The following TMTC4 variants were observed in gnomAD, a reference collection of about 807,000 sequenced individuals.
TMTC4 encodes protein O-mannosyl-transferase TMTC4.
In TMTC4, 65 loss-of-function variants were observed where a neutral mutation model predicts 86.0. That is an observed-to-expected ratio of 0.76 (90% CI 0.62 to 0.93). TMTC4 has a LOEUF of 0.93. Among genes scored for constraint, TMTC4 ranks in the 40% least tolerant of loss-of-function variants. The pLI is 0.00. For synonymous variants in TMTC4, 379 were observed against 382.5 expected (o/e 0.99, Z 0.11); for missense variants, 866 against 948.1 (o/e 0.91, Z 1.14).
At chr13:100,655,509 T>G (rs946984705) in intron 6 of TMTC4, among the ~76,000 whole-genome samples, 1 of 152,212 alleles carries the variant, frequency 6.6e-6, no homozygotes, top group Non-Finnish European at 1.5e-5. Flanking sequence ...CACTGTCTCA[T>G]GAAGAGTCAC....
intron 6 of TMTC4, among the ~76,000 whole-genome samples, chr13:100,652,479 G>GAAAT (rs952034454): frequency 2.0e-5 from 3 of 152,128 alleles, no homozygotes; most frequent in East Asian, 1.9e-4. Flanking sequence ...ACTTGGTCTC[G>GAAAT]AAATAAATAA....
intron 15 of TMTC4, among the ~76,000 whole-genome samples, chr13:100,618,295 ACTT>A (rs1878831761): frequency 6.6e-6 from 1 of 151,818 alleles, no homozygotes; most frequent in Non-Finnish European, 1.5e-5. Flanking sequence ...AGATAGCTTG[ACTT>A]CTTCTTTTCC....
At chr13:100,656,075 G>A (rs751204679) in intron 6 of TMTC4, among the ~76,000 whole-genome samples, 2 of 152,190 alleles carry the variant, frequency 1.3e-5, no homozygotes, top group African/African-American at 4.8e-5. Context: ...GGAATCATTC[G>A]CAATCCTATA....
At chr13:100,646,498 A>G (rs1016041841) in intron 6 of TMTC4, among the ~76,000 whole-genome samples, 1 of 152,236 alleles carries the variant, frequency 6.6e-6, no homozygotes. Flanking sequence ...CCTGGCCTCG[A>G]CTTGAGTAAC....
At chr13:100,614,135 G>A (rs551935233) in intron 16 of TMTC4, among the ~76,000 whole-genome samples, 181 bp downstream of exon 16, 17 of 151,906 alleles carry the variant, frequency 1.1e-4, no homozygotes, top group South Asian at 1.0e-3. Flanking sequence ...AACCGTGCCC[G>A]GCCTAGAAAT....
chr13:100,617,339 G>A (rs917131693), intron 15 of TMTC4, among the ~76,000 whole-genome samples: 1 of 152,116 alleles, frequency 6.6e-6, no homozygotes, highest in African/African-American at 2.4e-5. Flanking sequence ...GTTTTGCCAT[G>A]TTGCCCAGGC....
chr13:100,626,709 A>G (rs903152448), intron 12 of TMTC4, among the ~76,000 whole-genome samples: 2 of 152,240 alleles, frequency 1.3e-5, no homozygotes, highest in African/African-American at 4.8e-5. Flanking sequence ...ACATGTGGAC[A>G]TGAGTAGAAG....
Position 100,604,827 on chromosome 13 carries a change from G to T in TMTC4, c.*167C>A. The T allele has an allele frequency of 1.7e-6, 1 of 573,692 alleles. No homozygotes were observed. The highest frequency in any genetic ancestry group is 2.7e-6 in the Non-Finnish European group (1 of 369,238). The allele number at this position is 573,692 out of a possible 1,614,324, so 35.5% of individuals were successfully genotyped here. On this transcript the variant is annotated 3_prime_UTR_variant, in exon 19 of 19. Coordinates refer to ENST00000342624, the MANE Select transcript of TMTC4 (RefSeq NM_032813.5). ...ATGAAAAATCATATCACGCATTCAA[G>T]AGTATATTGCTGGTGCTATAATCTT...
chr13:100,662,861 A>C, intron 5 of TMTC4, 103 bp downstream of exon 5: 1 of 1,238,166 alleles, frequency 8.1e-7, no homozygotes, highest in Non-Finnish European at 1.2e-6. Flanking sequence ...CTCTGGAACC[A>C]AGATGGGTAC....
intron 6 of TMTC4, among the ~76,000 whole-genome samples, chr13:100,644,191 C>T (rs1201972577): frequency 2.0e-5 from 3 of 150,924 alleles, no homozygotes; most frequent in African/African-American, 4.9e-5. Context: ...CTGCAAGTTC[C>T]GCCTCCTGGG....
chr13:100,640,341 C>A (rs1882853183), intron 7 of TMTC4, among the ~76,000 whole-genome samples: 1 of 151,898 alleles, frequency 6.6e-6, no homozygotes. Flanking sequence ...TTAATAGTGC[C>A]AAGGTTGAAA....
intron 12 of TMTC4, among the ~76,000 whole-genome samples, chr13:100,628,488 C>T (rs182841510): frequency 1.1e-3 from 162 of 152,232 alleles, no homozygotes; most frequent in Admixed American, 2.0e-3. Flanking sequence ...TCTCTGCTTT[C>T]GGTCCTTTTG....
intron 12 of TMTC4, among the ~76,000 whole-genome samples, chr13:100,629,837 T>G (rs78412418): frequency 1.1e-4 from 17 of 151,996 alleles, no homozygotes; most frequent in Admixed American, 4.6e-4. Flanking sequence ...AGAGGAAATA[T>G]GGACACAGAC....
chr13:100,666,127 T>C (rs891218237), intron 3 of TMTC4: 4 of 448,484 alleles, frequency 8.9e-6, no homozygotes, highest in African/African-American at 8.0e-5. Flanking sequence ...GAAAGGTCAA[T>C]TCTTCCTCAT....
At chr13:100,640,258 G>T (rs989021559) in intron 7 of TMTC4, among the ~76,000 whole-genome samples, 1 of 151,978 alleles carries the variant, frequency 6.6e-6, no homozygotes, top group Admixed American at 6.6e-5. Context: ...AGTAGGTGGA[G>T]ACCAGGGACG....
chr13:100,608,810 T>C (rs1877073975), intron 17 of TMTC4, among the ~76,000 whole-genome samples: 1 of 152,248 alleles, frequency 6.6e-6, no homozygotes, highest in African/African-American at 2.4e-5. Flanking sequence ...GGATATTTTT[T>C]TTCTGAACAG....
At chr13:100,639,211 G>A (rs1435289508) in intron 7 of TMTC4, among the ~76,000 whole-genome samples, 1 of 152,140 alleles carries the variant, frequency 6.6e-6, no homozygotes, top group Non-Finnish European at 1.5e-5. Flanking sequence ...GGTAATTTGT[G>A]GTTTTCAGAG....
intron 12 of TMTC4, among the ~76,000 whole-genome samples, chr13:100,627,304 C>T (rs1263175117): frequency 3.9e-5 from 6 of 152,264 alleles, no homozygotes; most frequent in East Asian, 1.9e-4. Context: ...CGGCGCGGGG[C>T]GGGGTCTGTA....
chr13:100,642,066 T>C, intron 7 of TMTC4, 145 bp downstream of exon 7: 1 of 703,904 alleles, frequency 1.4e-6, no homozygotes. Flanking sequence ...CGAAAGCCAT[T>C]TGTCCAGAAA....
Sources: gnomAD v4.1 joint callset for allele counts (sites outside exome capture counted in the v4.1 genomes callset) on GRCh38, gnomAD v4.1.1 for gene constraint, MANE v1.5 for transcripts, NCBI Gene and HGNC (gene_info 2026-07-23, HGNC 2026-07-21) for gene names.